RBFOX2: variants seen among roughly 807,000 people sequenced by gnomAD.
RBFOX2 encodes RNA binding protein fox-1 homolog 2.
A neutral mutation model predicts 49.1 loss-of-function variants in RBFOX2; 10 were observed. That is an observed-to-expected ratio of 0.20 (90% CI 0.13 to 0.35). The LOEUF (loss-of-function observed/expected upper bound fraction) is 0.35. Among genes scored for constraint, RBFOX2 ranks in the 10% least tolerant of loss-of-function variants. The pLI is 1.00. For missense variants in RBFOX2, 323 were observed against 486.9 expected (o/e 0.66, Z 3.17); for synonymous variants, 183 against 187.4 (o/e 0.98, Z 0.19).
chr22:35,873,843 A>AT (rs978850981), intron 1 of RBFOX2, among the ~76,000 whole-genome samples: 1 of 151,796 alleles, frequency 6.6e-6, no homozygotes, highest in Admixed American at 6.6e-5. Flanking sequence ...CGCCCAGCTA[A>AT]TTTTTTTTGT....
chr22:35,741,527 G>A (rs969883641), exon 12 of RBFOX2: 4 of 152,536 alleles, frequency 2.6e-5, no homozygotes, highest in Admixed American at 6.5e-5. Flanking sequence ...TTGATACTGT[G>A]AAATCCAGAT....
intron 1 of RBFOX2, among the ~76,000 whole-genome samples, chr22:35,902,369 C>A (rs2048692545): frequency 6.6e-6 from 1 of 152,206 alleles, no homozygotes; most frequent in African/African-American, 2.4e-5. Context: ...CCACCTGACA[C>A]AACTCCAATC....
Position 35,898,702 on chromosome 22 carries a change from CA to C in RBFOX2, c.-34+40144del, listed in dbSNP as rs1474070721. ...CTGGGCCTCCCAAAGTGTGGGATTA[CA>C]AGCATGAGCCACCATGACCACTGGC... On this transcript the variant is annotated intron_variant, in intron 1 of 13. Transcript: ENST00000359369. Among the ~76,000 whole-genome samples the C allele has an allele frequency of 2.0e-5, 3 of 152,112 alleles. No individual in the cohort carries two copies. The East Asian group carries it at 5.8e-4, about 30-fold the overall frequency.
chr22:35,790,748 C>A (rs982033855), intron 2 of RBFOX2, among the ~76,000 whole-genome samples: 1 of 152,130 alleles, frequency 6.6e-6, no homozygotes, highest in African/African-American at 2.4e-5. Flanking sequence ...TGGCTGGGTG[C>A]AATGGCTCAC....
intron 1 of RBFOX2, among the ~76,000 whole-genome samples, chr22:36,016,239 T>C (rs144537914): frequency 6.6e-6 from 1 of 152,240 alleles, no homozygotes; most frequent in Non-Finnish European, 1.5e-5. Context: ...GAAATTTCTA[T>C]GAGCCTCTGC....
At chr22:35,899,282 T>C (rs1048999524) in intron 1 of RBFOX2, among the ~76,000 whole-genome samples, 1 of 151,804 alleles carries the variant, frequency 6.6e-6, no homozygotes, top group African/African-American at 2.4e-5. Context: ...AAAGTTTAAA[T>C]ATGTCACAAA....
At chr22:35,941,375 A>G (rs1019633877), upstream of RBFOX2, among the ~76,000 whole-genome samples, 1 of 152,200 alleles carries the variant, frequency 6.6e-6, no homozygotes, top group Admixed American at 6.5e-5. Flanking sequence ...AGGCAAAAAG[A>G]ATGAGATAAT....
intron 1 of RBFOX2, among the ~76,000 whole-genome samples, chr22:35,855,150 T>G (rs1184160776): frequency 1.3e-5 from 2 of 152,130 alleles, no homozygotes; most frequent in Non-Finnish European, 2.9e-5. Flanking sequence ...CAGAAAAGAC[T>G]GGGTATTTCC....
chr22:35,827,448 T>C (rs1180123333), intron 1 of RBFOX2, among the ~76,000 whole-genome samples: 2 of 152,224 alleles, frequency 1.3e-5, no homozygotes, highest in Non-Finnish European at 2.9e-5. Context: ...AATGACTTTT[T>C]TCCCCCCATT....
intron 1 of RBFOX2, among the ~76,000 whole-genome samples, chr22:35,872,908 T>C (rs2044544364): frequency 2.6e-5 from 4 of 152,092 alleles, no homozygotes; most frequent in Middle Eastern, 6.8e-3. Context: ...TCCATAGGAG[T>C]GGAGCCCTAG....
chr22:35,878,731 C>G (rs2045484484), intron 1 of RBFOX2, among the ~76,000 whole-genome samples: 1 of 151,076 alleles, frequency 6.6e-6, no homozygotes, highest in South Asian at 2.1e-4. Flanking sequence ...GATAAACCAC[C>G]ATGCATGGCC....
At chr22:35,903,617 C>CA (rs1454365858) in intron 1 of RBFOX2, among the ~76,000 whole-genome samples, 1 of 152,096 alleles carries the variant, frequency 6.6e-6, no homozygotes, top group African/African-American at 2.4e-5. Context: ...TCAACATGCC[C>CA]AAAATTGGGT....
At chr22:35,898,370 G>T in intron 1 of RBFOX2, 1 of 637,036 alleles carries the variant, frequency 1.6e-6, no homozygotes, top group Non-Finnish European at 2.9e-6. Flanking sequence ...CATTGGCAGG[G>T]CCCAGACAAC....
At chr22:35,964,941 ATT>A (rs550024314), upstream of RBFOX2, among the ~76,000 whole-genome samples, 152 of 152,308 alleles carry the variant, frequency 1.0e-3, 1 homozygote, top group African/African-American at 3.5e-3. Context: ...GAAAATAGTT[ATT>A]GTCTTTCAAA....
At chr22:35,863,965 T>TC (rs1289882214) in intron 1 of RBFOX2, among the ~76,000 whole-genome samples, 3 of 152,110 alleles carry the variant, frequency 2.0e-5, no homozygotes, top group Non-Finnish European at 4.4e-5. Context: ...ACCCTAAATT[T>TC]CCCATTTATA....
chr22:35,781,673 G>C (rs1418251516), exon 3 of RBFOX2: 6 of 1,614,072 alleles, frequency 3.7e-6, no homozygotes, highest in East Asian at 2.2e-5. Flanking sequence ...TTTCGGGGTA[G>C]ATTTACTCTC....
chr22:35,980,274 A>G lies in RBFOX2; in HGVS notation c.187-41377T>C, dbSNP rs59426120. Among the ~76,000 whole-genome samples, 537 of 152,306 alleles carry G rather than the reference A, an allele frequency of 3.5e-3. 1 individual carries two copies. The highest frequency in any genetic ancestry group is 0.011 in the African/African-American group (477 of 41,574). On this transcript the variant is annotated intron_variant, in intron 1 of 13. Coordinates refer to the RBFOX2 transcript ENST00000438146. The stretch of plus-strand genomic sequence containing the variant: ...ATAGGAAAAAGAATGGGGGGAATCT[A>G]TATGAGTATATTTGGGGATCTCCAA...
intron 1 of RBFOX2, among the ~76,000 whole-genome samples, chr22:35,814,625 C>A (rs1346080636): frequency 2.1e-5 from 3 of 139,712 alleles, no homozygotes; most frequent in Admixed American, 7.7e-5. Context: ...ACAAGAGGAT[C>A]ACTTGAGCTT....
chr22:35,889,723 G>A (rs1275289264), intron 1 of RBFOX2, among the ~76,000 whole-genome samples: 1 of 152,092 alleles, frequency 6.6e-6, no homozygotes, highest in East Asian at 1.9e-4. Flanking sequence ...GACCTTAAAT[G>A]TTATCTGAAC....
Sources: allele counts gnomAD v4.1 joint callset (sites outside exome capture counted in the v4.1 genomes callset), GRCh38; gene constraint gnomAD v4.1.1; transcripts MANE v1.5; gene names NCBI Gene and HGNC (gene_info 2026-07-23, HGNC 2026-07-21).